CCSER1: variants seen among roughly 807,000 people sequenced by gnomAD.
CCSER1 encodes the protein coiled-coil serine rich protein 1.
Under a neutral mutation model 82.0 loss-of-function variants are expected in CCSER1, and 41 were observed. The observed-to-expected ratio is 0.50, with a 90% CI of 0.39 to 0.65. CCSER1 has a LOEUF of 0.65. Ranked by LOEUF, CCSER1 falls within the 30% of genes least tolerant of loss-of-function variation. The pLI, the probability that CCSER1 is intolerant of heterozygous loss-of-function variation, is 0.00. For synonymous variants in CCSER1, 414 were observed against 383.9 expected (o/e 1.08, Z -0.92); for missense variants, 1,119 against 1,064.2 (o/e 1.05, Z -0.72).
chr4:91,578,280 G>T (rs994946977), intron 10 of CCSER1, among the ~76,000 whole-genome samples: 1 of 151,894 alleles, frequency 6.6e-6, no homozygotes, highest in Non-Finnish European at 1.5e-5. Context: ...CAGTTTGTAA[G>T]CAGGGTATTA....
intron 1 of CCSER1, among the ~76,000 whole-genome samples, chr4:90,159,322 G>A (rs1728978562): frequency 6.6e-6 from 1 of 152,092 alleles, no homozygotes; most frequent in Non-Finnish European, 1.5e-5. Flanking sequence ...TGGGATTAAA[G>A]GCATGAACCA....
chr4:91,128,000 A>G (rs1368681222), intron 10 of CCSER1, among the ~76,000 whole-genome samples: 2 of 152,022 alleles, frequency 1.3e-5, no homozygotes, highest in African/African-American at 4.8e-5. Context: ...TATTTCTGGC[A>G]TGCTCAGGGG....
At chr4:90,176,763 G>T (rs954921568) in intron 1 of CCSER1, among the ~76,000 whole-genome samples, 1 of 152,034 alleles carries the variant, frequency 6.6e-6, no homozygotes, top group Non-Finnish European at 1.5e-5. Flanking sequence ...CTTAAATTCA[G>T]GAGGGACCTT....
rs371138602 is a variant in CCSER1 at position 90,308,599 on chromosome 4, G to A, written c.315G>A (p.Leu105=). ...ACAGCAATATGCAGAAACTGAGTTT[G>A]GAAGAACATATTAAGACCAGGGGAA... The part of the protein sequence containing the change: ...PGHSNMQKLS[L]EEHIKTRGRH... Residue 105 remains leucine (L), a synonymous_variant, in exon 2 of 11, where the codon TTG becomes TTA. Transcript: ENST00000509176. 4.3e-6 allele frequency: 7 copies of A among 1,613,752 alleles called. No homozygotes were observed. Among genetic ancestry groups the A allele is most frequent in the Non-Finnish European group, 5.9e-6 (7 of 1,179,862 alleles).
intron 9 of CCSER1, among the ~76,000 whole-genome samples, chr4:91,039,212 CTT>C (rs5860218): frequency 6.9e-6 from 1 of 145,664 alleles, no homozygotes; most frequent in African/African-American, 2.5e-5. Context: ...TTCTTTCTTT[CTT>C]TTTTTTTTTA....
chr4:90,156,442 CTCGTTGA>C (rs1399727510), intron 1 of CCSER1, among the ~76,000 whole-genome samples: 1 of 152,100 alleles, frequency 6.6e-6, no homozygotes, highest in African/African-American at 2.4e-5. Context: ...AACTTTCTGT[CTCGTTGA>C]TCTGTCTAAT....
At chr4:91,480,473 T>C (rs180782063) in intron 10 of CCSER1, among the ~76,000 whole-genome samples, 183 of 152,350 alleles carry the variant, frequency 1.2e-3, no homozygotes, top group African/African-American at 4.3e-3. Flanking sequence ...TGGTTTTGAT[T>C]TGCATTTGTC....
intron 7 of CCSER1, among the ~76,000 whole-genome samples, chr4:90,766,143 C>A: frequency 6.6e-6 from 1 of 152,062 alleles, no homozygotes; most frequent in East Asian, 1.9e-4. Flanking sequence ...AATTTGGGGA[C>A]TTGTCATATG....
chr4:91,310,054 C>A (rs543056521), intron 10 of CCSER1, among the ~76,000 whole-genome samples: 1 of 152,032 alleles, frequency 6.6e-6, no homozygotes, highest in Non-Finnish European at 1.5e-5. Context: ...CTCACAATCT[C>A]CTTATGTGGT....
At chr4:90,907,410 A>T (rs1290469722) in intron 8 of CCSER1, among the ~76,000 whole-genome samples, 3 of 152,048 alleles carry the variant, frequency 2.0e-5, no homozygotes, top group Non-Finnish European at 2.9e-5. Flanking sequence ...ATTCTTCTGG[A>T]CCTATTTCCT....
At chr4:91,570,548 A>G (rs572370633) in intron 10 of CCSER1, among the ~76,000 whole-genome samples, 52 of 152,308 alleles carry the variant, frequency 3.4e-4, no homozygotes, top group African/African-American at 1.3e-3. Flanking sequence ...AACATGTGTA[A>G]GCCACCAAGG....
At chr4:90,917,508 A>G (rs1427581672) in intron 8 of CCSER1, among the ~76,000 whole-genome samples, 1 of 152,004 alleles carries the variant, frequency 6.6e-6, no homozygotes, top group Non-Finnish European at 1.5e-5. Flanking sequence ...CACTGGGGCC[A>G]TTGTGGGGTA....
intron 10 of CCSER1, among the ~76,000 whole-genome samples, chr4:91,231,893 T>C (rs1738656605): frequency 6.6e-6 from 1 of 151,754 alleles, no homozygotes; most frequent in Admixed American, 6.6e-5. Context: ...AAAATCCAAA[T>C]CAATATTCAC....
intron 5 of CCSER1, among the ~76,000 whole-genome samples, chr4:90,517,317 G>C (rs1175577544): frequency 6.6e-6 from 1 of 152,024 alleles, no homozygotes; most frequent in Admixed American, 6.6e-5. Flanking sequence ...TCAAACCATC[G>C]TAAGTCGGGG....
intron 6 of CCSER1, among the ~76,000 whole-genome samples, chr4:90,645,100 A>G (rs1168759319): frequency 1.3e-5 from 2 of 151,996 alleles, no homozygotes; most frequent in South Asian, 2.1e-4. Flanking sequence ...AAAAAAAGAA[A>G]AAAAGACACG....
At chr4:91,378,604 TC>T (rs1750620251) in intron 10 of CCSER1, among the ~76,000 whole-genome samples, 2 of 152,264 alleles carry the variant, frequency 1.3e-5, no homozygotes, top group South Asian at 4.1e-4. Flanking sequence ...TGATTTTGTA[TC>T]CTGAGGCTTT....
chr4:90,746,191 T>C (rs1397930644), intron 7 of CCSER1, among the ~76,000 whole-genome samples: 1 of 152,216 alleles, frequency 6.6e-6, no homozygotes, highest in Non-Finnish European at 1.5e-5. Context: ...TTCCAATAGA[T>C]GCAAATGTTC....
At chr4:90,508,303 T>C (rs1770993815) in intron 5 of CCSER1, among the ~76,000 whole-genome samples, 1 of 152,086 alleles carries the variant, frequency 6.6e-6, no homozygotes, top group African/African-American at 2.4e-5. Flanking sequence ...TATACATTCA[T>C]TTATCTCACC....
At chr4:90,354,142 C>A (rs1331937963) in intron 3 of CCSER1, among the ~76,000 whole-genome samples, 1 of 152,080 alleles carries the variant, frequency 6.6e-6, no homozygotes, top group African/African-American at 2.4e-5. Context: ...CTGCCATTTG[C>A]AATCAATTGA....
Sources: gnomAD v4.1 joint callset for allele counts (sites outside exome capture counted in the v4.1 genomes callset) on GRCh38, gnomAD v4.1.1 for gene constraint, MANE v1.5 for transcripts, NCBI Gene and HGNC (gene_info 2026-07-23, HGNC 2026-07-21) for gene names.